The following ENTREP2 variants were observed in gnomAD, a reference collection of about 807,000 sequenced individuals.
ENTREP2 encodes the protein protein ENTREP2.
chr15:29,248,247 A>C, the ENTREP2 span, among the ~76,000 whole-genome samples: 1 of 152,228 alleles, frequency 6.6e-6, no homozygotes, highest in Non-Finnish European at 1.5e-5. Flanking sequence ...ATATTAAAAA[A>C]AAGCACACCA....
the ENTREP2 span, among the ~76,000 whole-genome samples, chr15:29,629,660 T>G: frequency 6.6e-6 from 1 of 152,222 alleles, no homozygotes; most frequent in East Asian, 1.9e-4. Flanking sequence ...CATTATAATG[T>G]TTGTTTTAAC....
At chr15:29,657,404 C>G in the ENTREP2 span, among the ~76,000 whole-genome samples, 1 of 138,940 alleles carries the variant, frequency 7.2e-6, no homozygotes, top group Non-Finnish European at 1.5e-5. Context: ...TGAGCAGTAG[C>G]AGCTATAAAG....
the ENTREP2 span, among the ~76,000 whole-genome samples, chr15:29,445,793 A>G: frequency 2.0e-5 from 3 of 152,222 alleles, no homozygotes; most frequent in Non-Finnish European, 4.4e-5. Flanking sequence ...CATCAGTCAG[A>G]GGTACAGATC....
chr15:29,269,922 G>A, the ENTREP2 span: 4 of 497,230 alleles, frequency 8.0e-6, no homozygotes, highest in Non-Finnish European at 1.0e-5. Context: ...TTTCCGTGCA[G>A]CCCTGCAGGT....
At chr15:29,392,019 A>G in the ENTREP2 span, among the ~76,000 whole-genome samples, 43 of 152,122 alleles carry the variant, frequency 2.8e-4, no homozygotes, top group Admixed American at 3.3e-4. Flanking sequence ...TAGTAGAGAC[A>G]GGGTTTCACT....
chr15:29,330,979 C>T, the ENTREP2 span, among the ~76,000 whole-genome samples: 1 of 152,332 alleles, frequency 6.6e-6, no homozygotes, highest in South Asian at 2.1e-4. Flanking sequence ...TATAAACCAA[C>T]AGCTGCTGGT....
chr15:29,136,036 C>G, the ENTREP2 span, among the ~76,000 whole-genome samples: 1 of 152,192 alleles, frequency 6.6e-6, no homozygotes, highest in African/African-American at 2.4e-5. Flanking sequence ...GGCTGTGACT[C>G]GTGGCTGCAG....
chr15:29,618,933 G>A, the ENTREP2 span, among the ~76,000 whole-genome samples: 3 of 152,222 alleles, frequency 2.0e-5, no homozygotes, highest in African/African-American at 7.2e-5. Flanking sequence ...GTTACATGCA[G>A]GAGACAGAGC....
the ENTREP2 span, among the ~76,000 whole-genome samples, chr15:29,191,989 C>T: frequency 6.6e-6 from 1 of 152,102 alleles, no homozygotes; most frequent in Non-Finnish European, 1.5e-5. Flanking sequence ...TTGTAGTGAC[C>T]CAGGCTGATG....
At chr15:29,474,970 C>T in the ENTREP2 span, among the ~76,000 whole-genome samples, 2 of 152,130 alleles carry the variant, frequency 1.3e-5, no homozygotes, top group East Asian at 1.9e-4. Flanking sequence ...TGTGGAAGCA[C>T]CTCCTTATAT....
chr15:29,659,199 A>C, the ENTREP2 span, among the ~76,000 whole-genome samples: 1 of 152,178 alleles, frequency 6.6e-6, no homozygotes, highest in Non-Finnish European at 1.5e-5. Flanking sequence ...GGCTGGGCAC[A>C]GTGGCTCATG....
the ENTREP2 span, among the ~76,000 whole-genome samples, chr15:29,257,723 G>GT: frequency 6.6e-5 from 10 of 152,076 alleles, no homozygotes; most frequent in South Asian, 6.2e-4. Flanking sequence ...ATTCTCTACC[G>GT]TAACTATAAT....
At chr15:29,657,311 C>T in the ENTREP2 span, among the ~76,000 whole-genome samples, 1 of 151,922 alleles carries the variant, frequency 6.6e-6, no homozygotes, top group Non-Finnish European at 1.5e-5. Flanking sequence ...CCACCTACCT[C>T]AGCCTCCCAA....
At chr15:29,267,237 A>G in the ENTREP2 span, 1,053 of 152,276 alleles carry the variant, frequency 6.9e-3, 8 homozygotes, top group African/African-American at 0.024. Context: ...CGAGTTAAAA[A>G]TATTTGCCTT....
chr15:29,357,703 G>C, the ENTREP2 span, among the ~76,000 whole-genome samples: 1 of 152,140 alleles, frequency 6.6e-6, no homozygotes, highest in Non-Finnish European at 1.5e-5. Context: ...GCCGGGCGTG[G>C]TGGCGGGCGC....
chr15:29,160,775 C>A, the ENTREP2 span, among the ~76,000 whole-genome samples: 1 of 144,420 alleles, frequency 6.9e-6, no homozygotes, highest in East Asian at 2.1e-4. Flanking sequence ...AAAATGAGGA[C>A]AAACTATCTT....
the ENTREP2 span, among the ~76,000 whole-genome samples, chr15:29,344,756 C>T: frequency 2.6e-5 from 4 of 151,964 alleles, no homozygotes; most frequent in Non-Finnish European, 4.4e-5. Context: ...CCCAAGCATC[C>T]ACAGTGCAGC....
the ENTREP2 span, among the ~76,000 whole-genome samples, chr15:29,421,101 GA>G: frequency 1.3e-5 from 2 of 152,314 alleles, no homozygotes; most frequent in East Asian, 3.9e-4. Context: ...AGAAGAAAAT[GA>G]GTCCTGGAGA....
chr15:29,522,890 G>A, the ENTREP2 span, among the ~76,000 whole-genome samples: 19 of 152,190 alleles, frequency 1.2e-4, 1 homozygote, highest in African/African-American at 4.6e-4. Flanking sequence ...TGCTAGAGGT[G>A]GTGGTTAACA....
Sources: gnomAD v4.1 joint callset for allele counts (sites outside exome capture counted in the v4.1 genomes callset) on GRCh38, gnomAD v4.1.1 for gene constraint, MANE v1.5 for transcripts, NCBI Gene and HGNC (gene_info 2026-07-23, HGNC 2026-07-21) for gene names.